KCNJ3: variants seen among roughly 807,000 people sequenced by gnomAD.
KCNJ3 encodes potassium inwardly rectifying channel subfamily J member 3, also known as G protein-activated inward rectifier potassium channel 1.
Under a neutral mutation model 39.2 loss-of-function variants are expected in KCNJ3, and 4 were observed. The ratio of observed to expected loss-of-function variants is 0.10; its 90% CI spans 0.05 to 0.23. The LOEUF is 0.23. KCNJ3 is among the 10% of genes least tolerant of loss of function. The pLI is 1.00. For synonymous variants in KCNJ3, 230 were observed against 237.4 expected (o/e 0.97, Z 0.29); for missense variants, 276 against 634.9 (o/e 0.43, Z 6.08).
At chr2:154,700,466 G>C (rs562115372) in intron 1 of KCNJ3, among the ~76,000 whole-genome samples, 1 of 152,232 alleles carries the variant, frequency 6.6e-6, no homozygotes, top group Non-Finnish European at 1.5e-5. Flanking sequence ...TTTTTCCCTA[G>C]AGGGATTTGT....
At chr2:154,771,855 G>T (rs1264537017) in intron 2 of KCNJ3, among the ~76,000 whole-genome samples, 1 of 152,214 alleles carries the variant, frequency 6.6e-6, no homozygotes, top group Non-Finnish European at 1.5e-5. Context: ...ATATCAGCAA[G>T]ATTGAAGCAC....
chr2:154,726,646 A>C (rs1232948225), intron 2 of KCNJ3, among the ~76,000 whole-genome samples: 1 of 152,100 alleles, frequency 6.6e-6, no homozygotes, highest in Non-Finnish European at 1.5e-5. Context: ...TTATAAGAAA[A>C]AGATATTTGC....
intron 2 of KCNJ3, among the ~76,000 whole-genome samples, chr2:154,754,176 A>T (rs1463256393): frequency 6.6e-6 from 1 of 152,248 alleles, no homozygotes; most frequent in Non-Finnish European, 1.5e-5. Flanking sequence ...CAATCTATTG[A>T]ATGGTCTTTT....
chr2:154,818,918 CTTTTTTTT>C (rs57668487), intron 2 of KCNJ3, among the ~76,000 whole-genome samples: 601 of 52,442 alleles, frequency 0.011, 6 homozygotes, highest in African/African-American at 0.039. Context: ...CTGCAAAAGC[CTTTTTTTT>C]TTTTTTTTTT....
intron 2 of KCNJ3, among the ~76,000 whole-genome samples, chr2:154,838,498 G>C (rs1031928218): frequency 1.3e-5 from 2 of 152,140 alleles, no homozygotes; most frequent in African/African-American, 4.8e-5. Context: ...GTAGTGAGGA[G>C]AATTATATGA....
At chr2:154,832,667 C>T (rs1276229229) in intron 2 of KCNJ3, among the ~76,000 whole-genome samples, 1 of 149,040 alleles carries the variant, frequency 6.7e-6, no homozygotes, top group Non-Finnish European at 1.5e-5. Flanking sequence ...GAGTTATTAA[C>T]ATCAGAGGAA....
In KCNJ3 at chr2:154,852,479, T is replaced by G. The variant is rs868636321; in HGVS notation, c.920-2248T>G. On this transcript the variant is annotated intron_variant, in intron 2 of 2. Transcript: ENST00000295101. ...ATATTTATAGTATTTTTTCTTAAAT[T>G]TAAATTAATGTCTTGGATGGGAAAG... Among the ~76,000 whole-genome samples the G allele has an allele frequency of 3.3e-5, 5 of 152,258 alleles. No individual in the cohort carries two copies. In the South Asian group the frequency reaches 8.3e-4, roughly 25 times the overall value.
intron 2 of KCNJ3, among the ~76,000 whole-genome samples, chr2:154,743,669 TTTATC>T (rs1437033246): frequency 1.3e-5 from 2 of 151,664 alleles, no homozygotes; most frequent in African/African-American, 4.8e-5. Context: ...TTTTTTAATG[TTTATC>T]TTATATTTGT....
chr2:154,850,137 G>C (rs985947037), intron 2 of KCNJ3, among the ~76,000 whole-genome samples: 1 of 142,734 alleles, frequency 7.0e-6, no homozygotes, highest in South Asian at 2.2e-4. Context: ...ATGAGCTCGT[G>C]TTGATTTTCA....
chr2:154,826,631 C>T (rs755646971), intron 2 of KCNJ3, among the ~76,000 whole-genome samples: 4 of 152,156 alleles, frequency 2.6e-5, no homozygotes, highest in Admixed American at 6.6e-5. Flanking sequence ...TACTTTTGCA[C>T]TGTTGTTTCT....
intron 2 of KCNJ3, among the ~76,000 whole-genome samples, chr2:154,835,551 T>G (rs1407901202): frequency 1.3e-5 from 2 of 150,808 alleles, no homozygotes; most frequent in African/African-American, 4.9e-5. Context: ...ACATAATAAT[T>G]TATACCTGTG....
chr2:154,699,589 A>T lies in KCNJ3; in HGVS notation c.702+112A>T, dbSNP rs1353720440. Reference sequence around the variant, plus strand: ...CTCCCCTGGTTCTACCTATAGCCACAGGTAAACTTCCTTTTGGGGGGTTGG... The same window carrying T: ...CTCCCCTGGTTCTACCTATAGCCACTGGTAAACTTCCTTTTGGGGGGTTGG... On this transcript the variant is annotated intron_variant, in intron 1 of 2. Coordinates refer to ENST00000295101, the MANE Select transcript of KCNJ3 (RefSeq NM_002239.4). This position sits in a 1 kb window ranked among gnomAD's most constrained non-coding sequence, Gnocchi z 6.4. 1.4e-6 allele frequency: 2 copies of T among 1,444,924 alleles called. No homozygotes were observed. The highest frequency in any genetic ancestry group is 1.8e-6 in the Non-Finnish European group (2 of 1,100,696). The allele number at this position is 1,444,924 out of a possible 1,614,324, so 89.5% of individuals were successfully genotyped here. A position where few individuals can be genotyped will look rare whatever the true frequency, so the allele number is the denominator to read the frequency against.
At chr2:154,739,630 A>T (rs567456376) in intron 2 of KCNJ3, among the ~76,000 whole-genome samples, 1 of 152,042 alleles carries the variant, frequency 6.6e-6, no homozygotes, top group Non-Finnish European at 1.5e-5. Flanking sequence ...ACTCAAGCAT[A>T]CATCTGAGTC....
At chr2:154,723,322 A>T (rs1685295770) in intron 2 of KCNJ3, among the ~76,000 whole-genome samples, 3 of 152,054 alleles carry the variant, frequency 2.0e-5, no homozygotes. Context: ...GAAATATATA[A>T]TGGAAGAGTT....
intron 2 of KCNJ3, among the ~76,000 whole-genome samples, chr2:154,838,823 GT>G (rs1425584808): frequency 6.6e-6 from 1 of 152,158 alleles, no homozygotes; most frequent in Non-Finnish European, 1.5e-5. Context: ...TGAAACATAT[GT>G]CATTGCTTTA....
chr2:154,737,915 C>T (rs1685576062), intron 2 of KCNJ3, among the ~76,000 whole-genome samples: 1 of 152,066 alleles, frequency 6.6e-6, no homozygotes, highest in Admixed American at 6.6e-5. Flanking sequence ...ATTCAAGAAG[C>T]TCAATAAATC....
chr2:154,812,363 A>G (rs1052000216), intron 2 of KCNJ3, among the ~76,000 whole-genome samples: 13 of 152,234 alleles, frequency 8.5e-5, no homozygotes, highest in Non-Finnish European at 1.8e-4. Flanking sequence ...TGTAGGACAC[A>G]GAATATATCC....
rs1341311645 is a variant in KCNJ3 at position 154,857,087 on chromosome 2, C to T, written c.*1774C>T. 4 of 152,088 alleles carry T rather than the reference C, an allele frequency of 2.6e-5. No individual in the cohort carries two copies. Among genetic ancestry groups the T allele is most frequent in the Non-Finnish European group, 5.9e-5 (4 of 68,016 alleles). 9.4% of individuals were successfully genotyped at this position (152,088 alleles called of 1,614,324 possible). A position where few individuals can be genotyped will look rare whatever the true frequency, so the allele number is the denominator to read the frequency against. On this transcript the variant is annotated 3_prime_UTR_variant, in exon 3 of 3. Coordinates refer to ENST00000295101, the MANE Select transcript of KCNJ3 (RefSeq NM_002239.4). ...CTGTATCAACCAAATTCTGTAGGTG[C>T]AAACATATACCAGGGAATTCTTACT...
chr2:154,751,448 T>C (rs1440807500), intron 2 of KCNJ3, among the ~76,000 whole-genome samples: 4 of 152,056 alleles, frequency 2.6e-5, no homozygotes, highest in South Asian at 2.1e-4. Context: ...TTCAGCTTTA[T>C]TATTAATATC....
Sources: gnomAD v4.1 joint callset for allele counts (sites outside exome capture counted in the v4.1 genomes callset) on GRCh38, gnomAD v4.1.1 for gene constraint, Gnocchi (gnomAD v3.1) non-coding constraint, MANE v1.5 for transcripts, NCBI Gene and HGNC (gene_info 2026-07-23, HGNC 2026-07-21) for gene names.